GALM: variants seen among roughly 807,000 people sequenced by gnomAD.
The protein encoded by GALM is aldose 1-epimerase.
GALM carries 43 observed loss-of-function variants against 37.4 expected under a neutral mutation model. That is an observed-to-expected ratio of 1.15 (90% CI 0.90 to 1.48). The LOEUF is 1.48. Among genes scored for constraint, GALM ranks in the 40% most tolerant of loss-of-function variants. GALM has a pLI of 0.00. For missense variants in GALM, 456 were observed against 419.1 expected, an observed-to-expected ratio of 1.09 and a Z score of -0.77; for synonymous variants, 199 against 170.6, an observed-to-expected ratio of 1.17 and a Z score of -1.30.
At chr2:38,712,100 C>G (rs1666184872) in intron 4 of GALM, among the ~76,000 whole-genome samples, 1 of 152,142 alleles carries the variant, frequency 6.6e-6, no homozygotes, top group African/African-American at 2.4e-5. Context: ...CATATCTGTT[C>G]CTGCTATTCA....
chr2:38,697,330 T>C (rs1343804483), intron 4 of GALM, among the ~76,000 whole-genome samples: 1 of 152,228 alleles, frequency 6.6e-6, no homozygotes, highest in African/African-American at 2.4e-5. Context: ...CTGTTGACTT[T>C]CAGCCAAGTC....
Position 38,676,024 on chromosome 2 carries a change from G to T in GALM, c.303G>T (p.Lys101Asn). Reference sequence around the variant, plus strand: ...AGGAGTATCACCTGGCCATTAACAAGGAACCCAACAGTCTGCATGGAGGAG... The same window carrying T: ...AGGAGTATCACCTGGCCATTAACAATGAACCCAACAGTCTGCATGGAGGAG... ...DGKEYHLAIN[K>N]EPNSLHGGVR... The change falls in exon 2 of 7, where the codon AAG (lysine) becomes AAT (asparagine). Residue 101 changes from lysine (K) to asparagine (N), a missense_variant. Coordinates refer to ENST00000272252, the MANE Select transcript of GALM (RefSeq NM_138801.3). The T allele has an allele frequency of 6.2e-7, 1 of 1,614,092 alleles. No individual in the cohort carries two copies. Among genetic ancestry groups the T allele is most frequent in the African/African-American group, 1.3e-5 (1 of 75,032 alleles).
At chr2:38,682,801 C>G (rs774676384) in intron 3 of GALM, among the ~76,000 whole-genome samples, 1 of 151,648 alleles carries the variant, frequency 6.6e-6, no homozygotes, top group African/African-American at 2.4e-5. Context: ...GAGGCTGAGA[C>G]AGGAGAATCA....
chr2:38,678,725 A>G (rs1262030686), intron 2 of GALM, among the ~76,000 whole-genome samples: 1 of 152,226 alleles, frequency 6.6e-6, no homozygotes, highest in Non-Finnish European at 1.5e-5. Flanking sequence ...AGGTGAAGGC[A>G]GAGACCTCCG....
At chr2:38,681,143 A>T (rs1167436991) in intron 2 of GALM, 137 bp from the exon 3 acceptor site, 2 of 752,860 alleles carry the variant, frequency 2.7e-6, no homozygotes, top group Non-Finnish European at 4.5e-6. Context: ...AAAAAAAAAA[A>T]TCCAGGCTAT....
intron 4 of GALM, among the ~76,000 whole-genome samples, chr2:38,696,051 A>T (rs1665797607): frequency 6.6e-6 from 1 of 151,510 alleles, no homozygotes; most frequent in African/African-American, 2.4e-5. Flanking sequence ...TTTCTCATTA[A>T]TTTCACTTAG....
chr2:38,695,023 T>C (rs1665772862), intron 4 of GALM, among the ~76,000 whole-genome samples: 2 of 152,122 alleles, frequency 1.3e-5, no homozygotes, highest in South Asian at 2.1e-4. Flanking sequence ...GGTTTTCTCA[T>C]ATGCAGAATC....
Position 38,729,680 on chromosome 2 carries a change from A to G in GALM, c.759A>G (p.Glu253=). The G allele has an allele frequency of 1.2e-6, 2 of 1,613,130 alleles. No individual in the cohort carries two copies. The highest frequency in any genetic ancestry group is 2.2e-5 in the East Asian group (1 of 44,824). ...ATTTCTGTCTGAAGGGATCTAAAGA[A>G]AAGCATTTTTGTGCAAGGTCAGGTA... The part of the protein sequence containing the change: ...DHNFCLKGSK[E]KHFCARVHHA... The change falls in exon 5 of 7, where the codon GAA becomes GAG. Residue 253 remains glutamate, a synonymous_variant. Coordinates refer to ENST00000272252, the MANE Select transcript of GALM (RefSeq NM_138801.3).
chr2:38,727,120 G>A (rs1666502310), intron 4 of GALM, among the ~76,000 whole-genome samples: 1 of 151,746 alleles, frequency 6.6e-6, no homozygotes. Context: ...GGAGGCTGAG[G>A]CGGGAGAATC....
intron 2 of GALM, among the ~76,000 whole-genome samples, chr2:38,677,973 G>T (rs1425473361): frequency 1.3e-5 from 2 of 151,672 alleles, no homozygotes; most frequent in African/African-American, 4.8e-5. Context: ...GGGAGAGAAT[G>T]ACTGCACAGT....
chr2:38,720,406 T>C (rs1377966976), intron 4 of GALM, among the ~76,000 whole-genome samples: 1 of 109,190 alleles, frequency 9.2e-6, no homozygotes, highest in Non-Finnish European at 1.7e-5. Flanking sequence ...GTGAAGGCAC[T>C]TCTATGTTAA....
intron 3 of GALM, among the ~76,000 whole-genome samples, chr2:38,687,207 GGA>G (rs938385151): frequency 1.3e-5 from 2 of 152,252 alleles, no homozygotes; most frequent in African/African-American, 4.8e-5. Context: ...GAGGATGGCA[GGA>G]GAGAGAGCCG....
intron 6 of GALM, among the ~76,000 whole-genome samples, chr2:38,733,090 AG>A (rs1291688187): frequency 6.6e-6 from 1 of 151,488 alleles, no homozygotes; most frequent in Admixed American, 6.6e-5. Flanking sequence ...GCATGGTGGC[AG>A]GTGCCTGTGA....
At chr2:38,696,449 T>C (rs1665807605) in intron 4 of GALM, among the ~76,000 whole-genome samples, 1 of 150,876 alleles carries the variant, frequency 6.6e-6, no homozygotes, top group African/African-American at 2.4e-5. Flanking sequence ...TTTTTTTTTT[T>C]TGAGACAGGG....
Position 38,666,271 on chromosome 2 carries a change from G to C in GALM, c.110G>C (p.Gly37Ala). 6.2e-7 allele frequency: 1 copy of C among 1,614,108 alleles called. No homozygotes were observed. The highest frequency in any genetic ancestry group is 8.5e-7 in the Non-Finnish European group (1 of 1,179,972). Residue 37 changes from glycine to alanine, a missense_variant, in exon 1 of 7, where the codon GGC becomes GCC. Gly to Ala is a moderately conservative substitution (Grantham distance 60). Transcript: ENST00000272252. ...TTGAGAGTGGACATCATCTCCTGGGGCTGCACGATCACAGCCCTAGAGGTC... is the reference window on the plus strand; with the variant it reads ...TTGAGAGTGGACATCATCTCCTGGGCCTGCACGATCACAGCCCTAGAGGTC... ...DLLRVDIISW[G>A]CTITALEVKD...
intron 2 of GALM, among the ~76,000 whole-genome samples, chr2:38,678,922 A>C (rs974295774): frequency 3.3e-5 from 5 of 152,218 alleles, no homozygotes; most frequent in Non-Finnish European, 5.9e-5. Context: ...AAGATGTGGA[A>C]TAGAGGAGAC....
At chr2:38,731,473 C>T (rs1399424088) in intron 5 of GALM, among the ~76,000 whole-genome samples, 1 of 151,666 alleles carries the variant, frequency 6.6e-6, no homozygotes, top group African/African-American at 2.4e-5. Context: ...CTGCCTTCCT[C>T]CCTACTCCCC....
chr2:38,705,567 A>T (rs1289671782), intron 4 of GALM, among the ~76,000 whole-genome samples: 1 of 152,206 alleles, frequency 6.6e-6, no homozygotes, highest in Non-Finnish European at 1.5e-5. Context: ...GTCTGTGAGG[A>T]TCTAGCCACA....
At chr2:38,729,289 G>A (rs1315832599) in intron 4 of GALM, among the ~76,000 whole-genome samples, 1 of 152,110 alleles carries the variant, frequency 6.6e-6, no homozygotes, top group African/African-American at 2.4e-5. Context: ...CTGGGCTCAA[G>A]CAATCCTCCT....
Sources: allele counts gnomAD v4.1 joint callset (sites outside exome capture counted in the v4.1 genomes callset), GRCh38; gene constraint gnomAD v4.1.1; transcripts MANE v1.5; gene names NCBI Gene and HGNC (gene_info 2026-07-23, HGNC 2026-07-21).